CDH12: variants seen among roughly 807,000 people sequenced by gnomAD.
The protein encoded by CDH12 is cadherin 12.
CDH12 carries 41 observed loss-of-function variants against 74.1 expected under a neutral mutation model. The observed-to-expected ratio is 0.55, with a 90% CI of 0.43 to 0.72. The LOEUF is 0.72. Among genes scored for constraint, CDH12 ranks in the 30% least tolerant of loss-of-function variants. The pLI is 0.00. For missense variants in CDH12, 945 were observed against 977.2 expected, an observed-to-expected ratio of 0.97 and a Z score of 0.44; for synonymous variants, 399 against 355.0, an observed-to-expected ratio of 1.12 and a Z score of -1.39.
intron 4 of CDH12, among the ~76,000 whole-genome samples, chr5:22,125,172 C>T (rs1415604550): frequency 6.6e-6 from 1 of 151,748 alleles, no homozygotes; most frequent in Non-Finnish European, 1.5e-5. Flanking sequence ...ATACATGTAC[C>T]ATGGTGGTTT....
intron 4 of CDH12, among the ~76,000 whole-genome samples, chr5:22,190,778 G>A (rs1002954066): frequency 1.3e-5 from 2 of 152,160 alleles, no homozygotes; most frequent in African/African-American, 4.8e-5. Flanking sequence ...TCAGAAGCCT[G>A]TTGACTTCAA....
intron 1 of CDH12, among the ~76,000 whole-genome samples, chr5:22,725,373 A>G (rs1002259205): frequency 6.6e-6 from 1 of 151,852 alleles, no homozygotes; most frequent in African/African-American, 2.4e-5. Flanking sequence ...GAGAACCTTG[A>G]TACTGTTTAT....
At chr5:21,870,788 G>A (rs1229679133) in intron 6 of CDH12, among the ~76,000 whole-genome samples, 1 of 152,130 alleles carries the variant, frequency 6.6e-6, no homozygotes, top group Non-Finnish European at 1.5e-5. Context: ...TTGGGGTACA[G>A]GGGTATAATC....
At chr5:21,758,922 A>T (rs1582958) in intron 13 of CDH12, among the ~76,000 whole-genome samples, 1 of 151,856 alleles carries the variant, frequency 6.6e-6, no homozygotes, top group African/African-American at 2.4e-5. Context: ...AACTTTGGGA[A>T]CACAGAACAC....
intron 3 of CDH12, among the ~76,000 whole-genome samples, chr5:22,326,437 G>A (rs975995478): frequency 1.4e-4 from 22 of 152,062 alleles, no homozygotes; most frequent in Non-Finnish European, 4.4e-5. Flanking sequence ...GGGTTTCACC[G>A]TGTTAGTCGG....
intron 8 of CDH12, among the ~76,000 whole-genome samples, chr5:21,839,976 T>A (rs186243299): frequency 6.6e-6 from 1 of 152,038 alleles, no homozygotes; most frequent in Non-Finnish European, 1.5e-5. Context: ...AAACACAGAG[T>A]TATAGAGAAG....
intron 4 of CDH12, among the ~76,000 whole-genome samples, chr5:22,177,412 T>G (rs1749401401): frequency 1.3e-5 from 2 of 152,120 alleles, no homozygotes; most frequent in South Asian, 4.1e-4. Flanking sequence ...AAACCTTGCT[T>G]CACAGGGGAA....
intron 1 of CDH12, among the ~76,000 whole-genome samples, chr5:22,510,768 G>A (rs796247937): frequency 2.6e-5 from 4 of 152,054 alleles, no homozygotes; most frequent in African/African-American, 9.6e-5. Context: ...ATGGTTGGTT[G>A]AATCCAAAAA....
chr5:22,305,233 G>C (rs2150422901), intron 3 of CDH12, among the ~76,000 whole-genome samples: 1 of 152,128 alleles, frequency 6.6e-6, no homozygotes, highest in African/African-American at 2.4e-5. Flanking sequence ...TAATCATCTA[G>C]TTCATCTACT....
At chr5:21,797,151 T>C (rs926736456) in intron 10 of CDH12, among the ~76,000 whole-genome samples, 7 of 151,972 alleles carry the variant, frequency 4.6e-5, no homozygotes, top group African/African-American at 1.7e-4. Context: ...CAGTCCTTGG[T>C]TGTGGCATTG....
rs139754269 is a variant in CDH12, at chr5:21,867,141, T to C, written c.527-12351A>G. On this transcript the variant is annotated intron_variant, in intron 6 of 14. Coordinates refer to ENST00000382254, the MANE Select transcript of CDH12 (RefSeq NM_004061.5). ...ATGCCAAGAAGGGTGGATCACCTGA[T>C]TTCAGGAGTTCGAGACCAGTCTGGC... Among the ~76,000 whole-genome samples, 1,154 of 152,128 alleles carry C rather than the reference T, an allele frequency of 7.6e-3. 20 individuals carry two copies. Among genetic ancestry groups the C allele is most frequent in the African/African-American group, 0.025 (1,039 of 41,530 alleles).
chr5:22,233,938 C>A (rs1043678716), intron 3 of CDH12, among the ~76,000 whole-genome samples: 4 of 152,024 alleles, frequency 2.6e-5, no homozygotes, highest in Admixed American at 2.0e-4. Context: ...CCCAATAGTG[C>A]AATTTATTAT....
intron 6 of CDH12, among the ~76,000 whole-genome samples, chr5:21,902,171 A>G (rs1753420269): frequency 6.6e-6 from 1 of 151,896 alleles, no homozygotes; most frequent in Admixed American, 6.6e-5. Flanking sequence ...CTTGATTATG[A>G]AGGGAGACTT....
intron 1 of CDH12, among the ~76,000 whole-genome samples, chr5:22,731,058 G>A (rs988521104): frequency 4.6e-5 from 7 of 151,914 alleles, no homozygotes; most frequent in Middle Eastern, 3.4e-3. Context: ...TTCATCAAAA[G>A]CATCCTTTAA....
At chr5:22,775,786 C>G (rs927460017) in intron 1 of CDH12, among the ~76,000 whole-genome samples, 3 of 152,068 alleles carry the variant, frequency 2.0e-5, no homozygotes, top group African/African-American at 7.2e-5. Flanking sequence ...TATGGTTTGA[C>G]TGTGTCCCCG....
intron 1 of CDH12, among the ~76,000 whole-genome samples, chr5:22,799,096 G>A (rs1320364049): frequency 6.6e-6 from 1 of 152,178 alleles, no homozygotes; most frequent in East Asian, 1.9e-4. Flanking sequence ...CGGCCTGGGT[G>A]ACAGAGCCAG....
chr5:22,581,514 C>G (rs116661801), intron 1 of CDH12, among the ~76,000 whole-genome samples: 179 of 152,362 alleles, frequency 1.2e-3, no homozygotes, highest in African/African-American at 4.1e-3. Context: ...CTTTTCTGCA[C>G]TGGCAGGCTC....
intron 2 of CDH12, among the ~76,000 whole-genome samples, chr5:22,477,709 G>A (rs577069163): frequency 6.6e-6 from 1 of 152,136 alleles, no homozygotes; most frequent in South Asian, 2.1e-4. Flanking sequence ...TAACACTATT[G>A]GACTACCCTC....
intron 3 of CDH12, among the ~76,000 whole-genome samples, chr5:22,283,355 T>C (rs1313139817): frequency 6.7e-6 from 1 of 150,312 alleles, no homozygotes; most frequent in Non-Finnish European, 1.5e-5. Context: ...ATCACATTTA[T>C]ATGTATCACA....
Sources: allele counts gnomAD v4.1 joint callset (sites outside exome capture counted in the v4.1 genomes callset), GRCh38; gene constraint gnomAD v4.1.1; transcripts MANE v1.5; gene names NCBI Gene and HGNC (gene_info 2026-07-23, HGNC 2026-07-21).